ROBO1: variants seen among roughly 807,000 people sequenced by gnomAD.
ROBO1 encodes roundabout guidance receptor 1, also known as roundabout homolog 1.
Under a neutral mutation model 195.9 loss-of-function variants are expected in ROBO1, and 149 were observed. The ratio of observed to expected loss-of-function variants is 0.76; its 90% CI spans 0.67 to 0.87. The LOEUF is 0.87. ROBO1 is among the 40% of genes least tolerant of loss of function. The pLI is 0.00. For missense variants in ROBO1, 1,933 were observed against 2,068.3 expected (o/e 0.93, Z 1.27); for synonymous variants, 816 against 733.2 (o/e 1.11, Z -1.82).
intron 1 of ROBO1, among the ~76,000 whole-genome samples, chr3:79,712,858 C>G (rs925444986): frequency 6.6e-6 from 1 of 152,010 alleles, no homozygotes; most frequent in Admixed American, 6.6e-5. Context: ...TAAATCTATT[C>G]CCCCTGAGCT....
chr3:78,716,442 A>C (rs1254352417), intron 7 of ROBO1, among the ~76,000 whole-genome samples: 1 of 152,084 alleles, frequency 6.6e-6, no homozygotes, highest in Non-Finnish European at 1.5e-5. Context: ...ATCTCATGAG[A>C]ACTCACTCAC....
chr3:79,479,650 T>C (rs1042989442), intron 2 of ROBO1, among the ~76,000 whole-genome samples: 1 of 152,186 alleles, frequency 6.6e-6, no homozygotes, highest in Admixed American at 6.5e-5. Flanking sequence ...GTAATGGATA[T>C]AGGAAATCTA....
intron 2 of ROBO1, among the ~76,000 whole-genome samples, chr3:79,270,640 C>A (rs551750703): frequency 2.0e-5 from 3 of 151,472 alleles, no homozygotes; most frequent in African/African-American, 7.3e-5. Flanking sequence ...TAAGTTCTTG[C>A]TATTTCTTTC....
chr3:79,334,440 C>T (rs566867977), intron 2 of ROBO1, among the ~76,000 whole-genome samples: 2 of 149,312 alleles, frequency 1.3e-5, no homozygotes, highest in South Asian at 2.1e-4. Flanking sequence ...AATCATCTTC[C>T]TCAACTAAAA....
intron 3 of ROBO1, among the ~76,000 whole-genome samples, chr3:78,979,129 G>A (rs1481589766): frequency 6.6e-6 from 1 of 152,128 alleles, no homozygotes; most frequent in Non-Finnish European, 1.5e-5. Context: ...CTGTGTTCCT[G>A]TCCATGCCTC....
chr3:79,481,891 CAA>C (rs1419464540), intron 2 of ROBO1, among the ~76,000 whole-genome samples: 8 of 152,046 alleles, frequency 5.3e-5, no homozygotes, highest in South Asian at 4.2e-4. Flanking sequence ...TTATGTGAAA[CAA>C]GAGATTTACA....
intron 1 of ROBO1, among the ~76,000 whole-genome samples, chr3:79,757,428 A>G (rs1037461111): frequency 2.6e-5 from 4 of 152,072 alleles, no homozygotes; most frequent in Admixed American, 2.6e-4. Flanking sequence ...TCTATAAGCA[A>G]CAGGCAGAAC....
chr3:78,651,688 G>A (rs58872086), intron 19 of ROBO1, 44 bp downstream of exon 19: 58,699 of 1,410,508 alleles, frequency 0.042, 1,350 homozygotes, highest in African/African-American at 0.074. Context: ...AAAATCAAGA[G>A]TTTTATAAAC....
chr3:79,191,690 A>G (rs2081543214), intron 2 of ROBO1, among the ~76,000 whole-genome samples: 1 of 151,460 alleles, frequency 6.6e-6, no homozygotes, highest in Admixed American at 6.6e-5. Flanking sequence ...ACATGGGCCC[A>G]TCTCCAGGGA....
intron 1 of ROBO1, among the ~76,000 whole-genome samples, chr3:79,693,694 T>A (rs1198958204): frequency 6.6e-6 from 1 of 151,800 alleles, no homozygotes; most frequent in African/African-American, 2.4e-5. Flanking sequence ...CCCTTCGACC[T>A]TCCAAAGCAC....
At chr3:79,417,965 C>G (rs1326049675) in intron 2 of ROBO1, among the ~76,000 whole-genome samples, 1 of 152,088 alleles carries the variant, frequency 6.6e-6, no homozygotes, top group Non-Finnish European at 1.5e-5. Flanking sequence ...AAAACACCAT[C>G]ACTATCTCAC....
intron 1 of ROBO1, among the ~76,000 whole-genome samples, chr3:79,692,866 A>G (rs1439059935): frequency 2.6e-5 from 4 of 151,882 alleles, no homozygotes; most frequent in Non-Finnish European, 5.9e-5. Context: ...CATATACATA[A>G]TGAGTTATCT....
At chr3:79,283,989 G>A (rs1271375469) in intron 2 of ROBO1, among the ~76,000 whole-genome samples, 2 of 152,012 alleles carry the variant, frequency 1.3e-5, no homozygotes, top group African/African-American at 2.4e-5. Context: ...GAGCCACCGC[G>A]CCCGGCCTAT....
intron 3 of ROBO1, among the ~76,000 whole-genome samples, chr3:78,993,237 A>G (rs1277272012): frequency 6.6e-6 from 1 of 152,204 alleles, no homozygotes; most frequent in Non-Finnish European, 1.5e-5. Flanking sequence ...ATTAATTTTA[A>G]CAATAAGATG....
intron 3 of ROBO1, among the ~76,000 whole-genome samples, chr3:78,944,119 T>C (rs2040288100): frequency 1.3e-5 from 2 of 152,206 alleles, no homozygotes; most frequent in African/African-American, 4.8e-5. Flanking sequence ...TCTGTGTCCA[T>C]ATGGGGGAAC....
At chr3:79,564,282 T>C (rs1209493427) in intron 2 of ROBO1, among the ~76,000 whole-genome samples, 2 of 152,074 alleles carry the variant, frequency 1.3e-5, no homozygotes, top group African/African-American at 4.8e-5. Flanking sequence ...CCTAAGAGTG[T>C]AGGCTAGCCA....
intron 1 of ROBO1, among the ~76,000 whole-genome samples, chr3:79,740,691 T>A (rs1420186507): frequency 6.6e-6 from 1 of 152,142 alleles, no homozygotes; most frequent in African/African-American, 2.4e-5. Context: ...TCTCTTCACC[T>A]GATCCTGCCG....
intron 1 of ROBO1, among the ~76,000 whole-genome samples, chr3:79,717,483 T>G (rs969544005): frequency 6.6e-6 from 1 of 152,026 alleles, no homozygotes; most frequent in Non-Finnish European, 1.5e-5. Flanking sequence ...TAAACATTAA[T>G]TGGCAGGTGT....
intron 1 of ROBO1, among the ~76,000 whole-genome samples, chr3:79,688,858 T>C (rs979526465): frequency 6.6e-6 from 1 of 152,022 alleles, no homozygotes; most frequent in Non-Finnish European, 1.5e-5. Flanking sequence ...CTGGAAATAA[T>C]TGTTGTAAGA....
Sources: gnomAD v4.1 joint callset for allele counts (sites outside exome capture counted in the v4.1 genomes callset) on GRCh38, gnomAD v4.1.1 for gene constraint, MANE v1.5 for transcripts, NCBI Gene and HGNC (gene_info 2026-07-23, HGNC 2026-07-21) for gene names.